The following MAPKAP1 variants were observed in gnomAD, a reference collection of about 807,000 sequenced individuals.
MAPKAP1 encodes target of rapamycin complex 2 subunit MAPKAP1.
In MAPKAP1, 20 loss-of-function variants were observed where a neutral mutation model predicts 65.7. The observed-to-expected ratio is 0.30, with a 90% CI of 0.21 to 0.44. The LOEUF (loss-of-function observed/expected upper bound fraction) is 0.44. MAPKAP1 is among the 20% of genes least tolerant of loss of function. The probability of loss-of-function intolerance (pLI) is 1.00; values close to 1 mark genes in which losing one functional copy is unlikely to be tolerated. For synonymous variants in MAPKAP1, 222 were observed against 244.3 expected (o/e 0.91, Z 0.85); for missense variants, 423 against 648.0 (o/e 0.65, Z 3.77).
chr9:125,455,799 C>T (rs1239668174), intron 10 of MAPKAP1, among the ~76,000 whole-genome samples: 2 of 152,208 alleles, frequency 1.3e-5, no homozygotes, highest in Non-Finnish European at 1.5e-5. Flanking sequence ...CTCTCTTGCT[C>T]CTTCCCTTTT....
intron 4 of MAPKAP1, among the ~76,000 whole-genome samples, chr9:125,641,508 GTTTCTTATAACT>G (rs1217569549): frequency 6.6e-6 from 1 of 152,040 alleles, no homozygotes; most frequent in East Asian, 1.9e-4. Context: ...AACTGGGTGA[GTTTCTTATAACT>G]TCCCACATGA....
At chr9:125,687,124 CT>C (rs528933268) in intron 1 of MAPKAP1, among the ~76,000 whole-genome samples, 15,808 of 133,258 alleles carry the variant, frequency 0.12, 1,917 homozygotes, top group African/African-American at 0.31. Context: ...CCATGCCCAT[CT>C]TTTTTTTTTT....
At chr9:125,670,959 ATT>A (rs941378955) in intron 2 of MAPKAP1, among the ~76,000 whole-genome samples, 10 of 152,294 alleles carry the variant, frequency 6.6e-5, no homozygotes, top group Admixed American at 2.0e-4. Flanking sequence ...CTTACCAGAA[ATT>A]TAAACTATGC....
At chr9:125,659,302 C>T (rs1834120677) in intron 3 of MAPKAP1, among the ~76,000 whole-genome samples, 2 of 152,142 alleles carry the variant, frequency 1.3e-5, no homozygotes, top group South Asian at 4.1e-4. Flanking sequence ...CATGAAGAAA[C>T]TGAGGAATCC....
chr9:125,654,165 C>T (rs1328093817), intron 4 of MAPKAP1, among the ~76,000 whole-genome samples: 1 of 152,152 alleles, frequency 6.6e-6, no homozygotes, highest in African/African-American at 2.4e-5. Flanking sequence ...TCAGCAAAGC[C>T]CACTCCCCGA....
intron 7 of MAPKAP1, among the ~76,000 whole-genome samples, chr9:125,540,692 A>G (rs1830218395): frequency 6.6e-6 from 1 of 152,240 alleles, no homozygotes; most frequent in African/African-American, 2.4e-5. Context: ...ACAGAGGCTC[A>G]GGAAGTGCAG....
At chr9:125,539,613 G>A (rs1830181091) in intron 7 of MAPKAP1, among the ~76,000 whole-genome samples, 1 of 152,224 alleles carries the variant, frequency 6.6e-6, no homozygotes, top group Non-Finnish European at 1.5e-5. Context: ...AAGCTTGACA[G>A]AGGGAGAACT....
In MAPKAP1 at chr9:125,439,995, C is replaced by T. The variant is rs750089682; in HGVS notation, c.1444-983G>A. On this transcript the variant is annotated intron_variant, in intron 11 of 11. Transcript: ENST00000265960. This position sits in a 1 kb window ranked among gnomAD's most constrained non-coding sequence, Gnocchi z 4.0. ...TTGAGTGCGCAACGGGGAGGAGAGA[C>T]GCAGCATGCATCAAGGCACAGCAGG... is the stretch of plus-strand genomic sequence containing the variant. 1.3e-5 allele frequency among the ~76,000 whole-genome samples: 2 copies of T among 152,168 alleles called. No homozygotes were observed. Among genetic ancestry groups the T allele is most frequent in the African/African-American group, 2.4e-5 (1 of 41,422 alleles).
chr9:125,603,913 C>T (rs1439088540), intron 4 of MAPKAP1, among the ~76,000 whole-genome samples: 1 of 152,118 alleles, frequency 6.6e-6, no homozygotes, highest in Non-Finnish European at 1.5e-5. Flanking sequence ...AGCCATTTAC[C>T]ATTATGCCAA....
At chr9:125,672,159 G>T (rs925416491) in intron 2 of MAPKAP1, among the ~76,000 whole-genome samples, 157 bp downstream of exon 2, 3 of 152,104 alleles carry the variant, frequency 2.0e-5, no homozygotes, top group African/African-American at 7.2e-5. Flanking sequence ...CGCAGAGATG[G>T]AGATGTTGCT....
intron 8 of MAPKAP1, among the ~76,000 whole-genome samples, chr9:125,495,232 C>T (rs575923821): frequency 1.3e-5 from 2 of 152,148 alleles, no homozygotes; most frequent in Non-Finnish European, 2.9e-5. Context: ...TTCCCTGACT[C>T]GAGAGTCAGA....
chr9:125,590,474 A>AC (rs1831923523), intron 4 of MAPKAP1, among the ~76,000 whole-genome samples: 1 of 152,128 alleles, frequency 6.6e-6, no homozygotes, highest in East Asian at 1.9e-4. Flanking sequence ...ACATGGTGAA[A>AC]CCCCATCTCC....
At chr9:125,577,125 C>T (rs1831434971) in intron 5 of MAPKAP1, among the ~76,000 whole-genome samples, 1 of 151,926 alleles carries the variant, frequency 6.6e-6, no homozygotes, top group Non-Finnish European at 1.5e-5. Context: ...AGCGTCTCTG[C>T]CCGGCCGCCC....
chr9:125,542,871 T>C, intron 7 of MAPKAP1, 188 bp downstream of exon 7: 5 of 746,168 alleles, frequency 6.7e-6, no homozygotes, highest in Non-Finnish European at 1.2e-5. Context: ...CATATGCCGC[T>C]GACCCAGTCC....
At chr9:125,646,938 T>A (rs903528526) in intron 4 of MAPKAP1, among the ~76,000 whole-genome samples, 2 of 152,218 alleles carry the variant, frequency 1.3e-5, no homozygotes, top group Non-Finnish European at 2.9e-5. Context: ...ACAATTTGAT[T>A]ACTATAACCA....
intron 8 of MAPKAP1, among the ~76,000 whole-genome samples, chr9:125,500,943 C>T (rs562894731): frequency 2.6e-4 from 40 of 152,044 alleles, no homozygotes; most frequent in African/African-American, 9.2e-4. Context: ...TTCATTTCTA[C>T]GGGGTAAAAA....
intron 1 of MAPKAP1, among the ~76,000 whole-genome samples, chr9:125,706,674 GCA>G (rs1361644954): frequency 3.3e-5 from 5 of 151,838 alleles, no homozygotes; most frequent in African/African-American, 1.2e-4. Flanking sequence ...GAAGACCAGG[GCA>G]CCTAGATATT....
rs1324092017 is a variant in MAPKAP1, at chr9:125,484,526, T to C, written c.1124A>G (p.Gln375Arg). The change falls in exon 9 of 12, where the codon CAG becomes CGG. Residue 375 changes from glutamine (Q) to arginine (R), a missense_variant. Transcript: ENST00000265960. ...GTAATGGTGGCTGCTAAGCATATCC[T>C]GTACTGTGGCTATGTCAATTTGCGA... ...EDSQIDIATV[Q>R]DMLSSHHYKS... 6.2e-7 allele frequency: 1 copy of C among 1,612,958 alleles called. No homozygotes were observed. The highest frequency in any genetic ancestry group is 8.5e-7 in the Non-Finnish European group (1 of 1,179,432).
At chr9:125,474,771 T>C (rs1246316159) in intron 9 of MAPKAP1, among the ~76,000 whole-genome samples, 1 of 152,230 alleles carries the variant, frequency 6.6e-6, no homozygotes, top group Admixed American at 6.5e-5. Flanking sequence ...TTTGCTCAGA[T>C]ATCATAAGCT....
Sources: gnomAD v4.1 joint callset for allele counts (sites outside exome capture counted in the v4.1 genomes callset) on GRCh38, gnomAD v4.1.1 for gene constraint, Gnocchi (gnomAD v3.1) non-coding constraint, MANE v1.5 for transcripts, NCBI Gene and HGNC (gene_info 2026-07-23, HGNC 2026-07-21) for gene names.